ZNF157: variants seen among roughly 807,000 people sequenced by gnomAD.
The protein encoded by ZNF157 is zinc finger protein 157.
A neutral mutation model predicts 9.4 loss-of-function variants in ZNF157; 8 were observed. The observed-to-expected ratio is 0.85, with a 90% CI of 0.50 to 1.53. The LOEUF (loss-of-function observed/expected upper bound fraction) is 1.53, where lower values mean the gene tolerates loss of function less well. ZNF157 is among the 40% of genes most tolerant of loss of function. The pLI is 0.00. For missense variants in ZNF157, 316 were observed against 385.2 expected (o/e 0.82, Z 1.50); for synonymous variants, 120 against 130.8 (o/e 0.92, Z 0.56).
intron 1 of ZNF157, among the ~76,000 whole-genome samples, chrX:47,373,349 G>A (rs780256047): frequency 9.0e-6 from 1 of 111,698 alleles, no homozygotes; most frequent in South Asian, 3.8e-4. Flanking sequence ...ATTAGAGAAA[G>A]GAGGAAAATA....
At chrX:47,370,800 T>A in intron 1 of ZNF157, 60 bp downstream of exon 1, 1 of 980,654 alleles carries the variant, frequency 1.0e-6, no homozygotes, top group Non-Finnish European at 1.4e-6. Flanking sequence ...TATTTTTAGT[T>A]AAATTTATAT....
rs1225812862 is a variant in ZNF157, at chrX:47,412,609, A to T, written c.536A>T (p.Glu179Val). ...KAYCRKSNLV[E>V]HLRIHTGERP... ...TACTGTAGGAAGTCAAACCTTGTTG[A>T]ACATCTGAGAATACACACAGGAGAG... is the stretch of plus-strand genomic sequence containing the variant. Residue 179 changes from glutamate to valine, a missense_variant, in exon 4 of 4, where the codon GAA becomes GTA. Glu to Val is a moderately radical substitution (Grantham distance 121). Coordinates refer to ENST00000377073, the MANE Select transcript of ZNF157 (RefSeq NM_003446.4). 1.6e-6 allele frequency: 2 copies of T among 1,212,179 alleles called. No individual in the cohort carries two copies. Among genetic ancestry groups the T allele is most frequent in the Non-Finnish European group, 2.2e-6 (2 of 895,590 alleles).
In ZNF157 at chrX:47,374,107, G is replaced by T. The variant is rs143768408; in HGVS notation, c.72+3367G>T. On this transcript the variant is annotated intron_variant, in intron 1 of 3. Coordinates refer to ENST00000377073, the MANE Select transcript of ZNF157 (RefSeq NM_003446.4). ...CGAAGCTCTGGAGTCTGAAGTGGGG[G>T]TAGTCTTCAGAACTGAGCCCTCAAC... 2.1e-4 allele frequency among the ~76,000 whole-genome samples: 23 copies of T among 110,769 alleles called. 1 individual carries two copies. Among genetic ancestry groups the T allele is most frequent in the African/African-American group, 6.9e-4 (21 of 30,551 alleles).
rs761141660 is a variant in ZNF157 at position 47,393,404 on chromosome X, A to G, written c.73-16872A>G. Among the ~76,000 whole-genome samples, 3 of 111,551 alleles carry G rather than the reference A, an allele frequency of 2.7e-5. No homozygotes were observed. In the Admixed American group the frequency reaches 2.9e-4, roughly 11 times the overall value. On this transcript the variant is annotated intron_variant, in intron 1 of 3. Transcript: ENST00000377073. ...GTGTTTGTACTGGTATAACATTCCC[A>G]AAAGCCTTGTCACTCTCCTGTATGT...
chrX:47,413,127 C>T lies in ZNF157; in HGVS notation c.1054C>T (p.His352Tyr). Reference sequence around the variant, plus strand: ...GACTCTCAATAATCATCAAAGAACTCACACAGGTGAAAAGCCCTATCAGTG... The same window carrying T: ...GACTCTCAATAATCATCAAAGAACTTACACAGGTGAAAAGCCCTATCAGTG... The part of the protein sequence containing the change: ...KMTLNNHQRT[H>Y]TGEKPYQCNE... The change falls in exon 4 of 4, where the codon CAC becomes TAC. Residue 352 changes from histidine (H) to tyrosine (Y), a missense_variant. Transcript: ENST00000377073. 1.7e-6 allele frequency: 2 copies of T among 1,211,495 alleles called. No homozygotes were observed. The highest frequency in any genetic ancestry group is 1.8e-5 in the South Asian group (1 of 56,901).
chrX:47,413,655 G>C lies in ZNF157; in HGVS notation c.*61G>C. On this transcript the variant is annotated 3_prime_UTR_variant, in exon 4 of 4. Coordinates refer to ENST00000377073, the MANE Select transcript of ZNF157 (RefSeq NM_003446.4). ...GCATATGATCACCAGGGCACACAGTGTGCCTGTGAAAATTTGGCACCTACA... is the reference window on the plus strand; with the variant it reads ...GCATATGATCACCAGGGCACACAGTCTGCCTGTGAAAATTTGGCACCTACA... 1 of 1,138,677 alleles carries C rather than the reference G, an allele frequency of 8.8e-7. No individual in the cohort carries two copies. Among genetic ancestry groups the C allele is most frequent in the Non-Finnish European group, 1.2e-6 (1 of 862,252 alleles). 93.8% of individuals were successfully genotyped at this position (1,138,677 alleles called of 1,213,427 possible). A position where few individuals can be genotyped will look rare whatever the true frequency, so the allele number is the denominator to read the frequency against.
intron 1 of ZNF157, among the ~76,000 whole-genome samples, chrX:47,372,554 G>A (rs191462262): frequency 0.033 from 3,429 of 104,861 alleles, 164 homozygotes; most frequent in African/African-American, 0.11. Flanking sequence ...GAGTGCAATG[G>A]CGTGATCTTG....
In ZNF157 at chrX:47,396,108, A is replaced by G. The variant is rs764952240; in HGVS notation, c.73-14168A>G. Among the ~76,000 whole-genome samples, 4 of 111,312 alleles carry G rather than the reference A, an allele frequency of 3.6e-5. No individual in the cohort carries two copies. In the East Asian group the frequency reaches 1.1e-3, roughly 31 times the overall value. On this transcript the variant is annotated intron_variant, in intron 1 of 3. Transcript: ENST00000377073. ...TCCACACACGTATGCCTAATAAAAT[A>G]AGGAAGAAATACTCATAAAAATTAC...
At chrX:47,383,371 C>CAAAAA (rs35133137) in intron 1 of ZNF157, among the ~76,000 whole-genome samples, 3 of 18,824 alleles carry the variant, frequency 1.6e-4, no homozygotes, top group East Asian at 3.8e-3. Flanking sequence ...GACTCAGTCT[C>CAAAAA]AAAAAAAAAA....
Position 47,397,153 on chromosome X carries a change from G to A in ZNF157, c.73-13123G>A, listed in dbSNP as rs148807210. Among the ~76,000 whole-genome samples, 9 of 109,689 alleles carry A rather than the reference G, an allele frequency of 8.2e-5. No individual in the cohort carries two copies. The East Asian group carries it at 2.6e-3, about 31-fold the overall frequency. On this transcript the variant is annotated intron_variant, in intron 1 of 3. Transcript: ENST00000377073. ...CAATTGACTTTAATCACAGGGCATT[G>A]TAGTGTGCTTTAAGGGGTCTTCTGT...
At chrX:47,376,474 G>A (rs2055845265) in intron 1 of ZNF157, among the ~76,000 whole-genome samples, 1 of 110,989 alleles carries the variant, frequency 9.0e-6, no homozygotes, top group South Asian at 3.8e-4. Flanking sequence ...AAATTAGCTG[G>A]GTGTGGTGGC....
chrX:47,380,082 T>C (rs1030114573), intron 1 of ZNF157, among the ~76,000 whole-genome samples: 4 of 110,709 alleles, frequency 3.6e-5, no homozygotes, highest in African/African-American at 1.3e-4. Flanking sequence ...GGGAATTTGA[T>C]TGGGATTATG....
chrX:47,371,279 G>A (rs1389434840), intron 1 of ZNF157, among the ~76,000 whole-genome samples: 1 of 109,142 alleles, frequency 9.2e-6, no homozygotes, highest in African/African-American at 3.3e-5. Flanking sequence ...GGAGGTTGCA[G>A]TAAGCCAAGA....
At chrX:47,399,022 G>A (rs1451175766) in intron 1 of ZNF157, among the ~76,000 whole-genome samples, 1 of 111,358 alleles carries the variant, frequency 9.0e-6, no homozygotes, top group East Asian at 2.8e-4. Context: ...GGCTGGTCTC[G>A]AACTCATGAG....
Position 47,410,626 on chromosome X carries a change from G to A in ZNF157, c.200-54G>A. The A allele has an allele frequency of 4.6e-6, 5 of 1,091,678 alleles. No homozygotes were observed. In the South Asian group the frequency reaches 9.8e-5, roughly 21 times the overall value. The allele number at this position is 1,091,678 out of a possible 1,213,427, so 90.0% of individuals were successfully genotyped here. ...AGATGCACCTTCCTCCTCCATCAGAGGCCCTAGAGCTCAGACAACTTGGCC... is the reference window on the plus strand; with the variant it reads ...AGATGCACCTTCCTCCTCCATCAGAAGCCCTAGAGCTCAGACAACTTGGCC... On this transcript the variant is annotated intron_variant, in intron 2 of 3. Coordinates refer to ENST00000377073, the MANE Select transcript of ZNF157 (RefSeq NM_003446.4).
intron 2 of ZNF157, 38 bp downstream of exon 2, chrX:47,410,440 GT>G (rs770607241): frequency 1.7e-6 from 2 of 1,199,143 alleles, no homozygotes; most frequent in South Asian, 3.6e-5. Flanking sequence ...GAGAGCGTGT[GT>G]TTCCTTTCTT....
chrX:47,405,982 C>A (rs1056079089), intron 1 of ZNF157, among the ~76,000 whole-genome samples: 1 of 101,032 alleles, frequency 9.9e-6, no homozygotes, highest in Non-Finnish European at 2.1e-5. Flanking sequence ...AATGTGTAGT[C>A]TTTTATCCCT....
intron 1 of ZNF157, among the ~76,000 whole-genome samples, chrX:47,396,681 G>A (rs1404258302): frequency 5.4e-5 from 6 of 111,800 alleles, no homozygotes; most frequent in Non-Finnish European, 1.1e-4. Flanking sequence ...TTCTTTACCC[G>A]ATGGGGTGAC....
At chrX:47,398,874 G>C (rs1288712806) in intron 1 of ZNF157, among the ~76,000 whole-genome samples, 1 of 112,022 alleles carries the variant, frequency 8.9e-6, no homozygotes, top group Admixed American at 9.6e-5. Context: ...GTTTCACCAT[G>C]TTGGCCAGGC....
Sources: gnomAD v4.1 joint callset for allele counts (sites outside exome capture counted in the v4.1 genomes callset) on GRCh38, gnomAD v4.1.1 for gene constraint, MANE v1.5 for transcripts, NCBI Gene and HGNC (gene_info 2026-07-23, HGNC 2026-07-21) for gene names.